Variants in WWP2 observed in about 807,000 individuals in gnomAD.
WWP2 encodes the protein NEDD4-like E3 ubiquitin-protein ligase WWP2.
WWP2 carries 57 observed loss-of-function variants against 121.0 expected under a neutral mutation model. The observed-to-expected ratio is 0.47, with a 90% CI of 0.38 to 0.59. The LOEUF is 0.59. WWP2 is among the 20% of genes least tolerant of loss of function. The probability of loss-of-function intolerance (pLI) is 0.00; values close to 1 mark genes in which losing one functional copy is unlikely to be tolerated. For synonymous variants in WWP2, 449 were observed against 441.3 expected, an observed-to-expected ratio of 1.02 and a Z score of -0.22; for missense variants, 962 against 1,158.9, an observed-to-expected ratio of 0.83 and a Z score of 2.47.
intron 4 of WWP2, among the ~76,000 whole-genome samples, chr16:69,808,957 GTGT>G (rs1317117408): frequency 2.0e-5 from 3 of 152,230 alleles, no homozygotes; most frequent in African/African-American, 7.2e-5. Flanking sequence ...CAGTTTTCTA[GTGT>G]TGTACCAATT....
intron 13 of WWP2, 149 bp from the exon 14 acceptor site, chr16:69,931,003 C>A: frequency 1.4e-6 from 1 of 721,910 alleles, no homozygotes; most frequent in Non-Finnish European, 2.3e-6. Flanking sequence ...CTTTTTTATT[C>A]TTCAAGGATC....
chr16:69,870,740 A>C (rs1409799188), intron 6 of WWP2, among the ~76,000 whole-genome samples: 1 of 152,200 alleles, frequency 6.6e-6, no homozygotes, highest in Non-Finnish European at 1.5e-5. Context: ...GCAAAGTAGT[A>C]GATGCTTACT....
chr16:69,858,527 G>C (rs16959282), intron 6 of WWP2, among the ~76,000 whole-genome samples: 16 of 151,976 alleles, frequency 1.1e-4, no homozygotes, highest in Admixed American at 6.6e-4. Context: ...CTTTATCACA[G>C]CCGCCTTGTG....
At chr16:69,893,557 TTTTG>T (rs918712176) in intron 8 of WWP2, among the ~76,000 whole-genome samples, 9 of 151,684 alleles carry the variant, frequency 5.9e-5, no homozygotes, top group South Asian at 2.1e-4. Context: ...ATGCTGTTTT[TTTTG>T]TTTGTTTGTT....
chr16:69,839,896 A>G (rs549345522), intron 4 of WWP2, among the ~76,000 whole-genome samples: 20 of 152,350 alleles, frequency 1.3e-4, no homozygotes, highest in Non-Finnish European at 2.4e-4. Context: ...ACCCAGTGAT[A>G]TGAAATGTTT....
intron 1 of WWP2, among the ~76,000 whole-genome samples, chr16:69,785,705 C>T (rs1264413309): frequency 6.6e-6 from 1 of 151,630 alleles, no homozygotes; most frequent in African/African-American, 2.4e-5. Context: ...CGGCCCACTG[C>T]AACCTCCACT....
At chr16:69,931,971 C>G in intron 16 of WWP2, 81 bp downstream of exon 16, 1 of 1,321,306 alleles carries the variant, frequency 7.6e-7, no homozygotes, top group Non-Finnish European at 1.1e-6. Flanking sequence ...GCTGCCTGCC[C>G]CCTGCTCACA....
intron 2 of WWP2, among the ~76,000 whole-genome samples, chr16:69,796,410 A>G (rs1433645948): frequency 6.6e-6 from 1 of 152,220 alleles, no homozygotes; most frequent in Non-Finnish European, 1.5e-5. Flanking sequence ...ACACTTCGAT[A>G]TCCCGCAGCT....
chr16:69,795,260 A>G (rs773086201), intron 2 of WWP2, among the ~76,000 whole-genome samples: 1 of 1,330 alleles, frequency 7.5e-4, no homozygotes, highest in Non-Finnish European at 1.8e-3. Context: ...AAATGCGGAT[A>G]CACACACACA....
rs532139778 is a variant in WWP2, at chr16:69,934,336, G to A, written c.1842+207G>A. Among the ~76,000 whole-genome samples, 100 of 152,210 alleles carry A rather than the reference G, an allele frequency of 6.6e-4. 1 individual carries two copies. Among genetic ancestry groups the A allele is most frequent in the African/African-American group, 2.3e-3 (96 of 41,558 alleles). ...CCCGTGGACTGGCTCACCCTCTCGGGGCTCCACCCTTTGCCCCCATAGAGC... is the reference window on the plus strand; with the variant it reads ...CCCGTGGACTGGCTCACCCTCTCGGAGCTCCACCCTTTGCCCCCATAGAGC... On this transcript the variant is annotated intron_variant, in intron 17 of 23. Transcript: ENST00000359154.
At chr16:69,907,311 C>T (rs575337323) in intron 8 of WWP2, among the ~76,000 whole-genome samples, 39 of 152,204 alleles carry the variant, frequency 2.6e-4, no homozygotes, top group Non-Finnish European at 4.0e-4. Flanking sequence ...TCTAGTGTTT[C>T]TCACAGACAA....
At chr16:69,835,806 T>C (rs2056866514) in intron 4 of WWP2, among the ~76,000 whole-genome samples, 1 of 148,326 alleles carries the variant, frequency 6.7e-6, no homozygotes, top group African/African-American at 2.5e-5. Flanking sequence ...CAAAGTAAAT[T>C]TTTTTTTTTT....
chr16:69,843,169 A>G (rs1295932970), intron 6 of WWP2, among the ~76,000 whole-genome samples: 2 of 152,076 alleles, frequency 1.3e-5, no homozygotes, highest in East Asian at 1.9e-4. Flanking sequence ...GCTTAGAGCA[A>G]TGGTTCTTTG....
In WWP2 at chr16:69,937,885, GTGCAGGGACAGACC is replaced by G. The variant is rs2152000673; in HGVS notation, c.2343+240_2343+253del. Among the ~76,000 whole-genome samples, 1 of 152,314 alleles carries G rather than the reference GTGCAGGGACAGACC, an allele frequency of 6.6e-6. No individual in the cohort carries two copies. The highest frequency in any genetic ancestry group is 2.1e-4 in the South Asian group (1 of 4,820). ...AGTGGTCAGCCTTGGGCCAGCTGGT[GTGCAGGGACAGACC>G]TGCAGGCAGACAGCAGCTGCCACTG... On this transcript the variant is annotated intron_variant, in intron 21 of 23. Transcript: ENST00000359154. This position sits in a 1 kb window ranked among gnomAD's most constrained non-coding sequence, Gnocchi z 6.6.
chr16:69,810,427 CTTT>C (rs773074583), intron 4 of WWP2, among the ~76,000 whole-genome samples: 5 of 140,430 alleles, frequency 3.6e-5, no homozygotes, highest in Admixed American at 7.1e-5. Context: ...TTTTTAACAT[CTTT>C]TTTTTTTTTT....
intron 6 of WWP2, among the ~76,000 whole-genome samples, chr16:69,843,615 C>T (rs2057018057): frequency 6.6e-6 from 1 of 152,114 alleles, no homozygotes; most frequent in African/African-American, 2.4e-5. Flanking sequence ...GCCTGTAATT[C>T]CAGCTCTTTT....
intron 8 of WWP2, among the ~76,000 whole-genome samples, chr16:69,907,045 A>G (rs2058305653): frequency 6.6e-6 from 1 of 152,262 alleles, no homozygotes; most frequent in Non-Finnish European, 1.5e-5. Context: ...AATAGATAAC[A>G]CTACAGTAAA....
At chr16:69,767,282 G>T (rs999850693) in intron 1 of WWP2, among the ~76,000 whole-genome samples, 14 of 152,176 alleles carry the variant, frequency 9.2e-5, no homozygotes, top group Non-Finnish European at 1.9e-4. Flanking sequence ...CATGTTGTTT[G>T]TCAGGCATCC....
chr16:69,852,471 A>G (rs1339421150), intron 6 of WWP2, among the ~76,000 whole-genome samples: 5 of 152,164 alleles, frequency 3.3e-5, no homozygotes, highest in African/African-American at 1.2e-4. Flanking sequence ...ACTGGGTTTC[A>G]CCATGTTGGC....
Sources: gnomAD v4.1 joint callset for allele counts (sites outside exome capture counted in the v4.1 genomes callset) on GRCh38, gnomAD v4.1.1 for gene constraint, Gnocchi (gnomAD v3.1) non-coding constraint, MANE v1.5 for transcripts, NCBI Gene and HGNC (gene_info 2026-07-23, HGNC 2026-07-21) for gene names.